Variants in NCOA3 observed in about 807,000 individuals in gnomAD.
The protein encoded by NCOA3 is nuclear receptor coactivator 3, also known as CBP-interacting protein.
Under a neutral mutation model 158.8 loss-of-function variants are expected in NCOA3, and 51 were observed. The observed-to-expected ratio is 0.32, with a 90% CI of 0.26 to 0.41. The LOEUF is 0.41. Ranked by LOEUF, NCOA3 falls within the 10% of genes least tolerant of loss-of-function variation. The probability of loss-of-function intolerance (pLI) is 1.00; values close to 1 mark genes in which losing one functional copy is unlikely to be tolerated. For missense variants in NCOA3, 1,510 were observed against 1,746.6 expected, an observed-to-expected ratio of 0.86 and a Z score of 2.41; for synonymous variants, 537 against 592.4, an observed-to-expected ratio of 0.91 and a Z score of 1.36.
chr20:47,560,308 C>T (rs1324239543), intron 1 of NCOA3, among the ~76,000 whole-genome samples: 3 of 152,190 alleles, frequency 2.0e-5, no homozygotes, highest in Non-Finnish European at 4.4e-5. Flanking sequence ...AACTCCTGAC[C>T]TGAAGTGATT....
rs772573755 is a variant in NCOA3, at chr20:47,636,661, G to A, written c.2275G>A (p.Val759Met). The A allele has an allele frequency of 1.9e-6, 3 of 1,614,184 alleles. No homozygotes were observed. The South Asian group carries it at 3.3e-5, about 18-fold the overall frequency. The change falls in exon 12 of 23, where the codon GTG (valine) becomes ATG (methionine). Residue 759 changes from valine to methionine, a missense_variant. By Grantham distance (21) the Val-to-Met change is conservative. This residue lies in a region of NCOA3 where 1,017 missense variants were observed against 1,098.3 expected (regional missense o/e 0.93). Transcript: ENST00000371998. ...ACTCTCTAAAGAACTACAGCCCCAA[G>A]TGGAAGGAGTGGATAATAAAATGAG... ...DALSKELQPQVEGVDNKMSQC... is the reference protein window; with the variant it reads ...DALSKELQPQMEGVDNKMSQC...
chr20:47,625,633 T>C (rs564595342), intron 5 of NCOA3, 152 bp downstream of exon 5: 1 of 621,214 alleles, frequency 1.6e-6, no homozygotes. Flanking sequence ...AATATGATGG[T>C]AAAATGCTCT....
chr20:47,572,439 G>A (rs2085308642), intron 1 of NCOA3, among the ~76,000 whole-genome samples: 1 of 151,754 alleles, frequency 6.6e-6, no homozygotes, highest in Non-Finnish European at 1.5e-5. Flanking sequence ...TTGTCTCTTC[G>A]CATTCACAAC....
At chr20:47,581,706 T>C (rs1388790092) in intron 1 of NCOA3, among the ~76,000 whole-genome samples, 1 of 152,254 alleles carries the variant, frequency 6.6e-6, no homozygotes, top group Non-Finnish European at 1.5e-5. Flanking sequence ...TGGAAATTCA[T>C]AAGGTAAAGT....
chr20:47,621,635 C>A (rs868115973), intron 2 of NCOA3, among the ~76,000 whole-genome samples: 15 of 145,824 alleles, frequency 1.0e-4, no homozygotes, highest in Middle Eastern at 3.7e-3. Context: ...CCAAAGCATA[C>A]TATTTTTCCA....
At chr20:47,538,765 C>G (rs577233961) in intron 1 of NCOA3, among the ~76,000 whole-genome samples, 1 of 152,218 alleles carries the variant, frequency 6.6e-6, no homozygotes, top group Non-Finnish European at 1.5e-5. Context: ...AGGCTGGTCT[C>G]GAACTCCTGA....
chr20:47,512,289 G>A (rs1438311089), intron 1 of NCOA3, among the ~76,000 whole-genome samples: 1 of 152,048 alleles, frequency 6.6e-6, no homozygotes, highest in African/African-American at 2.4e-5. Flanking sequence ...AGGCAAAAGA[G>A]ACTGGACCCC....
intron 2 of NCOA3, among the ~76,000 whole-genome samples, chr20:47,594,112 T>G (rs1040964402): frequency 2.0e-5 from 3 of 152,236 alleles, no homozygotes; most frequent in African/African-American, 7.2e-5. Flanking sequence ...TTGTTGATTT[T>G]GCCTTGGATA....
chr20:47,637,928 A>G (rs1034898143), intron 13 of NCOA3, 145 bp downstream of exon 13: 2 of 748,212 alleles, frequency 2.7e-6, no homozygotes, highest in African/African-American at 3.7e-5. Context: ...ATACTAATTT[A>G]TATGTGCTTT....
intron 19 of NCOA3, 42 bp downstream of exon 19, chr20:47,649,151 A>G (rs777113062): frequency 1.5e-6 from 2 of 1,325,260 alleles, no homozygotes; most frequent in Non-Finnish European, 1.1e-6. Flanking sequence ...CTCTGTGCTC[A>G]GGACAGGGCT....
intron 1 of NCOA3, among the ~76,000 whole-genome samples, chr20:47,521,382 T>C (rs2084330984): frequency 6.6e-6 from 1 of 152,044 alleles, no homozygotes; most frequent in Non-Finnish European, 1.5e-5. Flanking sequence ...TTTACTCTTA[T>C]AGAAGGATGC....
Position 47,627,049 on chromosome 20 carries a change from A to G in NCOA3, c.405A>G (p.Val135=), listed in dbSNP as rs2086334030. The change falls in exon 6 of 23, where the codon GTA becomes GTG. Residue 135 remains valine (V), a synonymous_variant. Coordinates refer to ENST00000371998, the MANE Select transcript of NCOA3 (RefSeq NM_181659.3). ...TGGTGAATCGAGACGGAAACATTGTATTTGTATCAGAAAATGTCACACAAT... is the reference window on the plus strand; with the variant it reads ...TGGTGAATCGAGACGGAAACATTGTGTTTGTATCAGAAAATGTCACACAAT... The part of the protein sequence containing the change: ...LFVVNRDGNI[V]FVSENVTQYL... 3 of 1,613,702 alleles carry G rather than the reference A, an allele frequency of 1.9e-6. No homozygotes were observed. The highest frequency in any genetic ancestry group is 2.5e-6 in the Non-Finnish European group (3 of 1,179,712).
At chr20:47,589,464 C>A (rs2085590065) in intron 2 of NCOA3, among the ~76,000 whole-genome samples, 1 of 152,120 alleles carries the variant, frequency 6.6e-6, no homozygotes, top group Non-Finnish European at 1.5e-5. Context: ...CAACCTCTGC[C>A]TCCCTGGTTC....
chr20:47,544,569 C>A (rs890112931), intron 1 of NCOA3, among the ~76,000 whole-genome samples: 3 of 151,720 alleles, frequency 2.0e-5, no homozygotes, highest in East Asian at 1.9e-4. Flanking sequence ...GACTTAGTGC[C>A]CCCCCAATTT....
intron 10 of NCOA3, 62 bp from the exon 11 acceptor site, chr20:47,635,260 T>C: frequency 6.9e-7 from 1 of 1,459,198 alleles, no homozygotes; most frequent in East Asian, 2.3e-5. Context: ...ATTTTAAATC[T>C]GATTAAAAGC....
chr20:47,551,646 G>C (rs535444876), intron 1 of NCOA3, among the ~76,000 whole-genome samples: 1 of 152,268 alleles, frequency 6.6e-6, no homozygotes, highest in East Asian at 1.9e-4. Context: ...CTTTTTGACA[G>C]TGATTAAAAG....
intron 1 of NCOA3, among the ~76,000 whole-genome samples, chr20:47,575,469 T>C (rs183782510): frequency 6.6e-6 from 1 of 152,302 alleles, no homozygotes; most frequent in Admixed American, 6.5e-5. Context: ...AATGTCGAAT[T>C]AAGAAAAAAC....
At chr20:47,647,919 G>GTTTTTT (rs34097290) in intron 18 of NCOA3, among the ~76,000 whole-genome samples, 1 of 103,354 alleles carries the variant, frequency 9.7e-6, no homozygotes, top group Non-Finnish European at 1.9e-5. Flanking sequence ...GTTTTGTTTT[G>GTTTTTT]TTTTTTTTTT....
At chr20:47,653,123 A>C in intron 22 of NCOA3, 51 bp downstream of exon 22, 6 of 1,590,734 alleles carry the variant, frequency 3.8e-6, no homozygotes, top group Middle Eastern at 1.9e-4. Context: ...TGTTCTCTGG[A>C]TAGAACTAAA....
Sources: gnomAD v4.1 joint callset for allele counts (sites outside exome capture counted in the v4.1 genomes callset) on GRCh38, gnomAD v4.1.1 for gene constraint, gnomAD v4.1.1 regional missense constraint, MANE v1.5 for transcripts, NCBI Gene and HGNC (gene_info 2026-07-23, HGNC 2026-07-21) for gene names.